PPFIBP1: variants seen among roughly 807,000 people sequenced by gnomAD.
The protein encoded by PPFIBP1 is liprin-beta-1.
A neutral mutation model predicts 137.8 loss-of-function variants in PPFIBP1; 112 were observed. The observed-to-expected ratio is 0.81, with a 90% CI of 0.70 to 0.95. PPFIBP1 has a LOEUF of 0.95. Among genes scored for constraint, PPFIBP1 ranks in the 40% least tolerant of loss-of-function variants. The pLI is 0.00. For missense variants in PPFIBP1, 1,083 were observed against 1,196.6 expected, an observed-to-expected ratio of 0.91 and a Z score of 1.40; for synonymous variants, 378 against 417.3, an observed-to-expected ratio of 0.91 and a Z score of 1.15.
rs56705005 is a variant in PPFIBP1 at position 27,633,835 on chromosome 12, C to CTTTTT, written c.64+391_64+395dup. On this transcript the variant is annotated intron_variant, in intron 3 of 29. Transcript: ENST00000228425. Reference sequence around the variant, plus strand: ...CACTTTCCACCAATGACTCCCGTATCTTTTTTTTTTTTTTTTTTTTGAGAT... The same window carrying CTTTTT: ...CACTTTCCACCAATGACTCCCGTATCTTTTTTTTTTTTTTTTTTTTTTTTTGAGAT... 1.4e-3 allele frequency among the ~76,000 whole-genome samples: 156 copies of CTTTTT among 112,980 alleles called. 1 individual carries two copies. Among genetic ancestry groups the CTTTTT allele is most frequent in the Middle Eastern group, 5.1e-3 (1 of 198 alleles). The allele number at this position is 112,980 out of a possible 152,430, so 74.1% of individuals were successfully genotyped here. A position where few individuals can be genotyped will look rare whatever the true frequency, so the allele number is the denominator to read the frequency against.
Position 27,676,639 on chromosome 12 carries a change from A to G in PPFIBP1, c.1582+40A>G, listed in dbSNP as rs377426709. On this transcript the variant is annotated intron_variant, in intron 18 of 29. Coordinates refer to ENST00000228425, the MANE Select transcript of PPFIBP1 (RefSeq NM_003622.4). ...AATGCCTTTGCCCTAATTCTTCCACAAGGAGGAAAAGAGCAGTGTCTTCCC... is the reference window on the plus strand; with the variant it reads ...AATGCCTTTGCCCTAATTCTTCCACGAGGAGGAAAAGAGCAGTGTCTTCCC... The G allele has an allele frequency of 2.6e-5, 38 of 1,447,080 alleles. No homozygotes were observed. In the Admixed American group the frequency reaches 3.9e-4, roughly 15 times the overall value. The allele number at this position is 1,447,080 out of a possible 1,614,324, so 89.6% of individuals were successfully genotyped here.
chr12:27,633,304 A>G lies in PPFIBP1; in HGVS notation c.-35-58A>G. ...GTTATCATTTGAAGGTGAATTAGAA[A>G]CCCACTAGCAAGCCTATGTCATTTA... is the stretch of plus-strand genomic sequence containing the variant. On this transcript the variant is annotated intron_variant, in intron 2 of 29. Coordinates refer to ENST00000228425, the MANE Select transcript of PPFIBP1 (RefSeq NM_003622.4). The G allele has an allele frequency of 3.4e-6, 4 of 1,168,078 alleles. No homozygotes were observed. The South Asian group carries it at 5.2e-5, about 15-fold the overall frequency. The allele number at this position is 1,168,078 out of a possible 1,614,324, so 72.4% of individuals were successfully genotyped here.
chr12:27,587,257 G>A (rs1419291728), intron 2 of PPFIBP1, among the ~76,000 whole-genome samples: 1 of 152,144 alleles, frequency 6.6e-6, no homozygotes, highest in African/African-American at 2.4e-5. Flanking sequence ...CATCACTTGA[G>A]AAGTCAAATT....
At chr12:27,569,201 G>A (rs903353732) in intron 1 of PPFIBP1, among the ~76,000 whole-genome samples, 4 of 152,160 alleles carry the variant, frequency 2.6e-5, no homozygotes, top group African/African-American at 9.7e-5. Flanking sequence ...AAAGCCTTCT[G>A]CAGTGGGCTC....
At chr12:27,602,693 G>C (rs2054125206) in intron 2 of PPFIBP1, among the ~76,000 whole-genome samples, 1 of 152,154 alleles carries the variant, frequency 6.6e-6, no homozygotes, top group Non-Finnish European at 1.5e-5. Context: ...GATAAACATG[G>C]TTGACTTGGT....
chr12:27,661,955 TTTTA>T (rs1440326545), intron 11 of PPFIBP1, among the ~76,000 whole-genome samples: 1 of 152,190 alleles, frequency 6.6e-6, no homozygotes, highest in East Asian at 1.9e-4. Context: ...CCACTGTAAC[TTTTA>T]TTTTTTTTTA....
At chr12:27,594,431 G>A (rs1484770818) in intron 2 of PPFIBP1, among the ~76,000 whole-genome samples, 4 of 152,088 alleles carry the variant, frequency 2.6e-5, no homozygotes, top group African/African-American at 9.7e-5. Context: ...ACCCACCTTG[G>A]CCTCCCAAAA....
At position 27,672,115 on chromosome 12, in the gene PPFIBP1, C is replaced by T. The variant is rs565775418; in HGVS notation, c.1263-312C>T. ...TTTAGGGAACTTGGATTTTTATATCCGAGGTCATAGGTAACTGTCAAAGGA... is the reference window on the plus strand; with the variant it reads ...TTTAGGGAACTTGGATTTTTATATCTGAGGTCATAGGTAACTGTCAAAGGA... On this transcript the variant is annotated intron_variant, in intron 14 of 29. Coordinates refer to ENST00000228425, the MANE Select transcript of PPFIBP1 (RefSeq NM_003622.4). Among the ~76,000 whole-genome samples, 77 of 151,956 alleles carry T rather than the reference C, an allele frequency of 5.1e-4. 1 individual carries two copies. The highest frequency in any genetic ancestry group is 1.6e-3 in the African/African-American group (67 of 41,474).
chr12:27,632,056 C>T (rs189562797), intron 2 of PPFIBP1, among the ~76,000 whole-genome samples: 5 of 152,138 alleles, frequency 3.3e-5, no homozygotes, highest in African/African-American at 1.2e-4. Flanking sequence ...AGACACATAC[C>T]TTGAGTATTT....
At chr12:27,587,098 A>G (rs531533034) in intron 2 of PPFIBP1, among the ~76,000 whole-genome samples, 8 of 152,202 alleles carry the variant, frequency 5.3e-5, no homozygotes, top group Non-Finnish European at 7.3e-5. Context: ...TCTGCTTTCA[A>G]CTGAACCAAT....
chr12:27,676,880 G>A, intron 18 of PPFIBP1, 184 bp from the exon 19 acceptor site: 2 of 805,816 alleles, frequency 2.5e-6, no homozygotes, highest in Non-Finnish European at 4.2e-6. Flanking sequence ...CATCTGTTGT[G>A]ATAGTGGATA....
At chr12:27,566,397 G>A (rs2049676176) in intron 1 of PPFIBP1, among the ~76,000 whole-genome samples, 1 of 150,982 alleles carries the variant, frequency 6.6e-6, no homozygotes. Flanking sequence ...AATATGGAAA[G>A]TATATTATTT....
At chr12:27,546,054 T>G (rs1343901094) in intron 1 of PPFIBP1, among the ~76,000 whole-genome samples, 3 of 152,212 alleles carry the variant, frequency 2.0e-5, no homozygotes, top group African/African-American at 7.2e-5. Flanking sequence ...GTCCAGGACC[T>G]TGTGCCATTG....
intron 4 of PPFIBP1, chr12:27,636,995 C>T (rs1006820805): frequency 2.6e-5 from 4 of 152,222 alleles, no homozygotes; most frequent in Non-Finnish European, 5.9e-5. Flanking sequence ...CTCACATTCT[C>T]CTGGTGTTTA....
chr12:27,627,108 A>G (rs1192004209), intron 2 of PPFIBP1, among the ~76,000 whole-genome samples: 1 of 152,196 alleles, frequency 6.6e-6, no homozygotes, highest in African/African-American at 2.4e-5. Flanking sequence ...TTTGTGTTAC[A>G]GACATTCCAA....
At chr12:27,579,824 A>G (rs539793355) in intron 2 of PPFIBP1, among the ~76,000 whole-genome samples, 2 of 152,206 alleles carry the variant, frequency 1.3e-5, no homozygotes, top group African/African-American at 2.4e-5. Flanking sequence ...GTCTGCTTCA[A>G]TGTGATGTTC....
intron 2 of PPFIBP1, among the ~76,000 whole-genome samples, chr12:27,581,622 T>C (rs1240983832): frequency 6.6e-6 from 1 of 152,182 alleles, no homozygotes; most frequent in Non-Finnish European, 1.5e-5. Flanking sequence ...TGAAATCACT[T>C]TCATTATTAT....
At chr12:27,623,551 T>G (rs906307071) in intron 2 of PPFIBP1, among the ~76,000 whole-genome samples, 1 of 151,944 alleles carries the variant, frequency 6.6e-6, no homozygotes, top group Middle Eastern at 3.4e-3. Context: ...AAATAAAAAT[T>G]TTAAAAATCA....
chr12:27,647,852 G>C lies in PPFIBP1; in HGVS notation c.471+10G>C. 1 of 1,608,078 alleles carries C rather than the reference G, an allele frequency of 6.2e-7. No individual in the cohort carries two copies. The highest frequency in any genetic ancestry group is 8.5e-7 in the Non-Finnish European group (1 of 1,177,510). ...AGAAATGCTGCAGCAGGTATGTGCA[G>C]AGGCCAGAACCAAGATGGGATTTCC... On this transcript the variant is annotated intron_variant, in intron 6 of 29. Coordinates refer to ENST00000228425, the MANE Select transcript of PPFIBP1 (RefSeq NM_003622.4).
Sources: gnomAD v4.1 joint callset for allele counts (sites outside exome capture counted in the v4.1 genomes callset) on GRCh38, gnomAD v4.1.1 for gene constraint, MANE v1.5 for transcripts, NCBI Gene and HGNC (gene_info 2026-07-23, HGNC 2026-07-21) for gene names.